Variants in GUCY1A2 observed in about 807,000 individuals in gnomAD.
GUCY1A2 encodes guanylate cyclase 1 soluble subunit alpha 2, also known as guanylate cyclase soluble subunit alpha-2.
GUCY1A2 carries 27 observed loss-of-function variants against 63.5 expected under a neutral mutation model. The observed-to-expected ratio is 0.43, with a 90% CI of 0.31 to 0.59. The LOEUF is 0.59. Among genes scored for constraint, GUCY1A2 ranks in the 20% least tolerant of loss-of-function variants. The probability of loss-of-function intolerance (pLI) is 0.11; values close to 1 mark genes in which losing one functional copy is unlikely to be tolerated. For synonymous variants in GUCY1A2, 364 were observed against 343.5 expected (o/e 1.06, Z -0.66); for missense variants, 768 against 913.3 (o/e 0.84, Z 2.05).
chr11:106,767,459 C>CAAAT (rs1366204660), intron 6 of GUCY1A2, among the ~76,000 whole-genome samples: 1 of 152,020 alleles, frequency 6.6e-6, no homozygotes, highest in Non-Finnish European at 1.5e-5. Flanking sequence ...ATCTGTTTGA[C>CAAAT]AAATATCATA....
intron 7 of GUCY1A2, among the ~76,000 whole-genome samples, chr11:106,707,655 A>G (rs1862939692): frequency 6.6e-6 from 1 of 151,996 alleles, no homozygotes; most frequent in African/African-American, 2.4e-5. Context: ...AGACATTTTT[A>G]TAAGTTTGGG....
intron 1 of GUCY1A2, among the ~76,000 whole-genome samples, chr11:106,989,299 C>T (rs1277237556): frequency 6.6e-6 from 1 of 152,024 alleles, no homozygotes; most frequent in Non-Finnish European, 1.5e-5. Context: ...GCTAGATGAC[C>T]TTGGGCAATT....
At chr11:106,747,268 G>C (rs1256243765) in intron 6 of GUCY1A2, among the ~76,000 whole-genome samples, 1 of 151,608 alleles carries the variant, frequency 6.6e-6, no homozygotes, top group African/African-American at 2.4e-5. Context: ...GATTACAGGC[G>C]TAAGCCACCG....
At position 107,018,396 on chromosome 11, in the gene GUCY1A2, C is replaced by G. The variant is rs1477976963; in HGVS notation, c.-341G>C. 1 of 150,640 alleles carries G rather than the reference C, an allele frequency of 6.6e-6. No individual in the cohort carries two copies. Among genetic ancestry groups the G allele is most frequent in the Non-Finnish European group, 1.5e-5 (1 of 67,480 alleles). The allele number at this position is 150,640 out of a possible 1,614,324, so 9.3% of individuals were successfully genotyped here. ...CGCCGCGCTCCCGCTCACGGGGAGG[C>G]TCCGAGAGTGTGTGACCGCGGTCGG... On this transcript the variant is annotated 5_prime_UTR_variant, in exon 1 of 8. Coordinates refer to ENST00000526355, the MANE Select transcript of GUCY1A2 (RefSeq NM_000855.3).
At chr11:106,776,883 T>A (rs1244778557) in intron 5 of GUCY1A2, among the ~76,000 whole-genome samples, 1 of 152,170 alleles carries the variant, frequency 6.6e-6, no homozygotes, top group East Asian at 1.9e-4. Context: ...TTTGCCTAGA[T>A]AATTTCCAAA....
chr11:106,692,048 G>T (rs992469559), intron 7 of GUCY1A2, among the ~76,000 whole-genome samples: 2 of 152,090 alleles, frequency 1.3e-5, no homozygotes, highest in Admixed American at 1.3e-4. Flanking sequence ...TGTATACAAG[G>T]ATTAGGAATT....
chr11:106,927,849 G>A (rs993764460), intron 4 of GUCY1A2, among the ~76,000 whole-genome samples: 4 of 152,080 alleles, frequency 2.6e-5, no homozygotes, highest in African/African-American at 9.7e-5. Context: ...TGGGATTACA[G>A]GCGTGAGCCA....
chr11:106,703,347 C>A (rs1186437456), intron 7 of GUCY1A2, among the ~76,000 whole-genome samples: 1 of 152,082 alleles, frequency 6.6e-6, no homozygotes, highest in Non-Finnish European at 1.5e-5. Flanking sequence ...ATTAAGGGTG[C>A]AGATGGAATT....
chr11:106,819,054 A>C (rs891277760), intron 4 of GUCY1A2, among the ~76,000 whole-genome samples: 7 of 152,298 alleles, frequency 4.6e-5, no homozygotes, highest in African/African-American at 1.7e-4. Flanking sequence ...TCAAGACTTC[A>C]GTTGAGGGTA....
At chr11:106,756,030 C>T (rs1000886080) in intron 6 of GUCY1A2, among the ~76,000 whole-genome samples, 1 of 152,108 alleles carries the variant, frequency 6.6e-6, no homozygotes, top group Non-Finnish European at 1.5e-5. Flanking sequence ...TCTGGGTGCT[C>T]CTGTATTGGG....
intron 4 of GUCY1A2, among the ~76,000 whole-genome samples, chr11:106,911,765 C>A (rs114298233): frequency 6.6e-6 from 1 of 151,940 alleles, no homozygotes; most frequent in Non-Finnish European, 1.5e-5. Flanking sequence ...CTTTTTAAAG[C>A]AAACTATTGA....
At chr11:106,740,167 T>G (rs2135378125) in intron 6 of GUCY1A2, among the ~76,000 whole-genome samples, 1 of 151,920 alleles carries the variant, frequency 6.6e-6, no homozygotes, top group South Asian at 2.1e-4. Context: ...TCCGGCTAAT[T>G]TTTGTATTTT....
At chr11:106,708,981 T>G (rs1862970391) in intron 6 of GUCY1A2, among the ~76,000 whole-genome samples, 2 of 150,808 alleles carry the variant, frequency 1.3e-5, no homozygotes, top group Non-Finnish European at 3.0e-5. Flanking sequence ...TGGTCTAACT[T>G]GAAAAGTATA....
chr11:106,820,519 C>T (rs1306819556), intron 4 of GUCY1A2, among the ~76,000 whole-genome samples: 1 of 152,178 alleles, frequency 6.6e-6, no homozygotes, highest in Admixed American at 6.5e-5. Context: ...CTGCCTCAGC[C>T]TCCTGAGTAG....
chr11:106,893,826 G>A (rs1565322950), intron 4 of GUCY1A2, among the ~76,000 whole-genome samples: 3 of 151,992 alleles, frequency 2.0e-5, no homozygotes, highest in Admixed American at 1.3e-4. Flanking sequence ...CTGGAGGCTC[G>A]GTGTCGACAA....
chr11:106,939,746 T>C lies in GUCY1A2; in HGVS notation c.920A>G (p.Gln307Arg), dbSNP rs752556397. ...ENTNIMKNLP[Q>R]GTSQVPADLR... ...GTCCGCAGGAACTTGGGAGGTTCCCTGTGGAAGGTTCTTCATGATATTAGT... is the reference window on the plus strand; with the variant it reads ...GTCCGCAGGAACTTGGGAGGTTCCCCGTGGAAGGTTCTTCATGATATTAGT... Residue 307 changes from glutamine (Q) to arginine (R), a missense_variant, in exon 4 of 8, where the codon CAG becomes CGG. Coordinates refer to ENST00000526355, the MANE Select transcript of GUCY1A2 (RefSeq NM_000855.3). The C allele has an allele frequency of 8.7e-6, 14 of 1,613,846 alleles. No homozygotes were observed. The highest frequency in any genetic ancestry group is 1.7e-6 in the Non-Finnish European group (2 of 1,179,846).
intron 4 of GUCY1A2, among the ~76,000 whole-genome samples, chr11:106,927,327 C>G (rs1398604023): frequency 6.6e-6 from 1 of 151,108 alleles, no homozygotes; most frequent in African/African-American, 2.4e-5. Context: ...GAGCAGAGAT[C>G]GCGCTACTGC....
chr11:106,741,386 A>G (rs1317376943), intron 6 of GUCY1A2, among the ~76,000 whole-genome samples: 1 of 152,220 alleles, frequency 6.6e-6, no homozygotes, highest in African/African-American at 2.4e-5. Flanking sequence ...GGAGCTGCAC[A>G]CTGAAGCATA....
chr11:106,905,522 G>A (rs560154057), intron 4 of GUCY1A2, among the ~76,000 whole-genome samples: 3 of 152,128 alleles, frequency 2.0e-5, no homozygotes, highest in South Asian at 2.1e-4. Context: ...TGAAGGGTAC[G>A]CCTTCAACAC....
Sources: allele counts gnomAD v4.1 joint callset (sites outside exome capture counted in the v4.1 genomes callset), GRCh38; gene constraint gnomAD v4.1.1; transcripts MANE v1.5; gene names NCBI Gene and HGNC (gene_info 2026-07-23, HGNC 2026-07-21).